The following DOCK2 variants were observed in gnomAD, a reference collection of about 807,000 sequenced individuals.
The protein encoded by DOCK2 is dedicator of cytokinesis protein 2.
A neutral mutation model predicts 248.9 loss-of-function variants in DOCK2; 87 were observed. The ratio of observed to expected loss-of-function variants is 0.35; its 90% CI spans 0.29 to 0.42. DOCK2 has a LOEUF of 0.42. Ranked by LOEUF, DOCK2 falls within the 10% of genes least tolerant of loss-of-function variation. DOCK2 has a pLI of 1.00. For missense variants in DOCK2, 1,747 were observed against 2,300.2 expected (o/e 0.76, Z 4.92); for synonymous variants, 805 against 821.6 (o/e 0.98, Z 0.35).
At chr5:169,688,694 T>G (rs1760121741) in intron 8 of DOCK2, among the ~76,000 whole-genome samples, 1 of 152,166 alleles carries the variant, frequency 6.6e-6, no homozygotes, top group African/African-American at 2.4e-5. Flanking sequence ...CAATTTTATA[T>G]AAATAGTGTT....
At chr5:169,730,312 G>T (rs1762703525) in intron 22 of DOCK2, among the ~76,000 whole-genome samples, 1 of 152,210 alleles carries the variant, frequency 6.6e-6, no homozygotes, top group Admixed American at 6.5e-5. Flanking sequence ...GGCTGGATGG[G>T]AGAAGGAGGT....
chr5:169,710,648 G>A (rs894204391), intron 15 of DOCK2, among the ~76,000 whole-genome samples: 4 of 152,056 alleles, frequency 2.6e-5, no homozygotes, highest in Non-Finnish European at 5.9e-5. Context: ...TATTCCCCCC[G>A]GGCTCTGACT....
intron 22 of DOCK2, among the ~76,000 whole-genome samples, chr5:169,737,904 G>A (rs1763122348): frequency 6.6e-6 from 1 of 152,206 alleles, no homozygotes. Flanking sequence ...CAAACCCGAG[G>A]AGGGAGTTTT....
intron 26 of DOCK2, among the ~76,000 whole-genome samples, chr5:169,814,556 T>A (rs1227990243): frequency 4.6e-5 from 7 of 152,202 alleles, no homozygotes; most frequent in Admixed American, 4.6e-4. Context: ...CAATGTGAAT[T>A]TCCTGGTTTG....
intron 6 of DOCK2, 99 bp from the exon 7 acceptor site, chr5:169,681,643 ATG>A: frequency 7.2e-7 from 1 of 1,390,638 alleles, no homozygotes; most frequent in Non-Finnish European, 9.7e-7. Flanking sequence ...ATGTGACTAT[ATG>A]ACCCCCAGAA....
chr5:170,044,963 T>A (rs73800277), intron 38 of DOCK2, among the ~76,000 whole-genome samples: 13,126 of 152,122 alleles, frequency 0.086, 949 homozygotes, highest in African/African-American at 0.19. Flanking sequence ...CCTCCTTCGG[T>A]CTAAGAGAGT....
rs554883235 is a variant in DOCK2, at chr5:169,830,643, T to C, written c.2704-10114T>C. Among the ~76,000 whole-genome samples the C allele has an allele frequency of 1.7e-3, 266 of 152,362 alleles. 9 individuals are homozygous for C. The South Asian group carries it at 0.052, about 30-fold the overall frequency. On this transcript the variant is annotated intron_variant, in intron 26 of 51. Coordinates refer to ENST00000520908, the MANE Select transcript of DOCK2 (RefSeq NM_004946.3). ...TTAGGAGGCTTAATTTTTTCTGCTCTGGCCTGCAGGTTGGAGGTTTCACTA... is the reference window on the plus strand; with the variant it reads ...TTAGGAGGCTTAATTTTTTCTGCTCCGGCCTGCAGGTTGGAGGTTTCACTA...
intron 22 of DOCK2, among the ~76,000 whole-genome samples, chr5:169,741,902 C>T (rs981382759): frequency 1.3e-5 from 2 of 149,724 alleles, no homozygotes; most frequent in Middle Eastern, 3.5e-3. Flanking sequence ...CTCTGCCTCC[C>T]GGGTTCACGC....
At chr5:169,939,978 A>C (rs1776168603) in intron 27 of DOCK2, among the ~76,000 whole-genome samples, 1 of 152,230 alleles carries the variant, frequency 6.6e-6, no homozygotes, top group Non-Finnish European at 1.5e-5. Flanking sequence ...TTGGCTATGA[A>C]GAGGCAGAGT....
intron 27 of DOCK2, among the ~76,000 whole-genome samples, chr5:169,898,319 G>A (rs1773727040): frequency 6.6e-6 from 1 of 152,176 alleles, no homozygotes; most frequent in Non-Finnish European, 1.5e-5. Context: ...TGTGATTGGT[G>A]CCTGCACAGT....
intron 6 of DOCK2, among the ~76,000 whole-genome samples, chr5:169,675,862 G>C (rs1759306079): frequency 6.6e-6 from 1 of 152,222 alleles, no homozygotes; most frequent in Non-Finnish European, 1.5e-5. Flanking sequence ...CTCACAGCTG[G>C]TCTCCATCCC....
chr5:169,903,558 A>T (rs949798289), intron 27 of DOCK2, among the ~76,000 whole-genome samples: 1 of 151,948 alleles, frequency 6.6e-6, no homozygotes, highest in African/African-American at 2.4e-5. Context: ...GGGTGGGCAC[A>T]AGTGGGGAGA....
chr5:169,739,780 C>T (rs1040364975), intron 22 of DOCK2, among the ~76,000 whole-genome samples: 1 of 152,126 alleles, frequency 6.6e-6, no homozygotes, highest in Admixed American at 6.5e-5. Context: ...TCTTGGCACC[C>T]AGACTTTTAT....
chr5:169,961,716 G>T (rs528985460), intron 27 of DOCK2, among the ~76,000 whole-genome samples: 1 of 152,070 alleles, frequency 6.6e-6, no homozygotes, highest in Admixed American at 6.5e-5. Context: ...AGTGGCTCAC[G>T]CCCGTAATCC....
At chr5:169,814,331 C>T (rs909990642) in intron 26 of DOCK2, among the ~76,000 whole-genome samples, 1 of 152,190 alleles carries the variant, frequency 6.6e-6, no homozygotes, top group African/African-American at 2.4e-5. Context: ...GATGAGAAGA[C>T]ATTAGACAAA....
At chr5:169,920,728 G>A (rs775732298) in intron 27 of DOCK2, among the ~76,000 whole-genome samples, 15 of 152,206 alleles carry the variant, frequency 9.9e-5, no homozygotes, top group Non-Finnish European at 1.6e-4. Flanking sequence ...TCCCGTCTCT[G>A]CAGATTTAAT....
At position 169,894,178 on chromosome 5, in the gene DOCK2, G is replaced by A. The variant is rs575045044; in HGVS notation, c.2799+53326G>A. 5.3e-4 allele frequency among the ~76,000 whole-genome samples: 80 copies of A among 152,262 alleles called. 1 individual carries two copies. The highest frequency in any genetic ancestry group is 1.9e-3 in the African/African-American group (78 of 41,564). On this transcript the variant is annotated intron_variant, in intron 27 of 51. Coordinates refer to ENST00000520908, the MANE Select transcript of DOCK2 (RefSeq NM_004946.3). ...TCACAACAAGTTTTGCCAAGACTAGGCATTATCACTCCCATTTTGCAGATG... is the reference window on the plus strand; with the variant it reads ...TCACAACAAGTTTTGCCAAGACTAGACATTATCACTCCCATTTTGCAGATG...
At chr5:169,884,020 G>C (rs1004010145) in intron 27 of DOCK2, 14 of 914,682 alleles carry the variant, frequency 1.5e-5, no homozygotes, top group Non-Finnish European at 2.0e-5. Context: ...AGGATGGAGT[G>C]GTCCTCTCCT....
intron 27 of DOCK2, among the ~76,000 whole-genome samples, chr5:169,952,440 G>A (rs185105513): frequency 6.6e-6 from 1 of 152,194 alleles, no homozygotes; most frequent in East Asian, 1.9e-4. Flanking sequence ...AAACAGAGAA[G>A]TAGCACTGAG....
Sources: gnomAD v4.1 joint callset for allele counts (sites outside exome capture counted in the v4.1 genomes callset) on GRCh38, gnomAD v4.1.1 for gene constraint, MANE v1.5 for transcripts, NCBI Gene and HGNC (gene_info 2026-07-23, HGNC 2026-07-21) for gene names.